The following GLIS3 variants were observed in gnomAD, a reference collection of about 807,000 sequenced individuals.
GLIS3 encodes the protein GLIS family zinc finger 3.
GLIS3 carries 53 observed loss-of-function variants against 78.6 expected under a neutral mutation model. That is an observed-to-expected ratio of 0.67 (90% CI 0.54 to 0.85). The LOEUF is 0.85. GLIS3 is among the 40% of genes least tolerant of loss of function. The pLI, the probability that GLIS3 is intolerant of heterozygous loss-of-function variation, is 0.00. For missense variants in GLIS3, 1,703 were observed against 1,231.1 expected (o/e 1.38, Z -5.74); for synonymous variants, 684 against 509.9 (o/e 1.34, Z -4.60).
At chr9:4,256,983 G>T (rs979223016) in intron 2 of GLIS3, among the ~76,000 whole-genome samples, 1 of 151,710 alleles carries the variant, frequency 6.6e-6, no homozygotes, top group African/African-American at 2.4e-5. Context: ...AAGAAGTTGT[G>T]GTATACATAC....
the GLIS3 span, among the ~76,000 whole-genome samples, chr9:4,371,162 G>T: frequency 6.1e-4 from 93 of 152,282 alleles, no homozygotes; most frequent in Non-Finnish European, 1.2e-3. Flanking sequence ...GGTCAGGCCT[G>T]GTTACTAGGC....
intron 7 of GLIS3, among the ~76,000 whole-genome samples, chr9:3,886,331 G>A (rs1297434532): frequency 6.6e-6 from 1 of 151,942 alleles, no homozygotes; most frequent in African/African-American, 2.4e-5. Flanking sequence ...AATCCTCAAG[G>A]GTTAAAATGT....
chr9:4,138,062 C>A (rs1055134868), intron 2 of GLIS3, among the ~76,000 whole-genome samples: 44 of 152,324 alleles, frequency 2.9e-4, no homozygotes, highest in African/African-American at 1.1e-3. Context: ...ACTATATACT[C>A]TAGGGATTGT....
intron 2 of GLIS3, among the ~76,000 whole-genome samples, chr9:4,178,163 T>C (rs1816970022): frequency 6.6e-6 from 1 of 152,242 alleles, no homozygotes. Context: ...CTCTGGTCAG[T>C]TGCATAATGC....
chr9:4,388,988 T>C, the GLIS3 span, among the ~76,000 whole-genome samples: 4 of 152,104 alleles, frequency 2.6e-5, no homozygotes, highest in Non-Finnish European at 5.9e-5. Context: ...TACCAACAAT[T>C]GCTGATTTTA....
At chr9:4,408,621 G>A in the GLIS3 span, among the ~76,000 whole-genome samples, 1 of 146,286 alleles carries the variant, frequency 6.8e-6, no homozygotes, top group Non-Finnish European at 1.5e-5. Context: ...CAGGTACTCG[G>A]GAGGCTGAGG....
intron 4 of GLIS3, among the ~76,000 whole-genome samples, chr9:4,033,439 G>A (rs974203474): frequency 2.6e-5 from 4 of 152,088 alleles, no homozygotes; most frequent in Non-Finnish European, 4.4e-5. Context: ...TCCACAGCAA[G>A]GTCTAGAAGG....
At chr9:4,257,837 T>C (rs1825126940) in intron 2 of GLIS3, among the ~76,000 whole-genome samples, 1 of 152,162 alleles carries the variant, frequency 6.6e-6, no homozygotes, top group Non-Finnish European at 1.5e-5. Flanking sequence ...CCTCCCAAAG[T>C]GCTGGGATTA....
intron 2 of GLIS3, among the ~76,000 whole-genome samples, chr9:4,236,204 A>AAAAG (rs1554630098): frequency 0.095 from 8,170 of 85,832 alleles, 999 homozygotes; most frequent in African/African-American, 0.21. Context: ...AAAAAAAAAA[A>AAAAG]AAAGAAAGAA....
In GLIS3 at chr9:4,002,035, C is replaced by T. The variant is rs545621996; in HGVS notation, c.1711-64846G>A. Reference sequence around the variant, plus strand: ...ATGTTGCATTACATGGTAAAAAGTACGTGGCAGCTGTGATTAAATTAAGGA... The same window carrying T: ...ATGTTGCATTACATGGTAAAAAGTATGTGGCAGCTGTGATTAAATTAAGGA... On this transcript the variant is annotated intron_variant, in intron 4 of 10. Transcript: ENST00000381971. Among the ~76,000 whole-genome samples, 23 of 152,256 alleles carry T rather than the reference C, an allele frequency of 1.5e-4. 1 individual carries two copies. The South Asian group carries it at 3.9e-3, about 26-fold the overall frequency.
chr9:4,019,895 G>A (rs1428210736), intron 4 of GLIS3, among the ~76,000 whole-genome samples: 1 of 151,986 alleles, frequency 6.6e-6, no homozygotes, highest in Non-Finnish European at 1.5e-5. Flanking sequence ...ACAGGTGCAT[G>A]CCACTTAAAA....
chr9:4,040,299 AAAC>A (rs1197031928), intron 4 of GLIS3, among the ~76,000 whole-genome samples: 97 of 152,216 alleles, frequency 6.4e-4, no homozygotes, highest in African/African-American at 1.9e-3. Context: ...AAAAAACAAA[AAAC>A]AAAAAACCTG....
At chr9:4,161,692 T>TTTA (rs1268777060) in intron 2 of GLIS3, among the ~76,000 whole-genome samples, 2 of 150,180 alleles carry the variant, frequency 1.3e-5, no homozygotes, top group African/African-American at 4.9e-5. Context: ...TTTTTTTTTT[T>TTTA]TTTGAGACAG....
chr9:4,230,290 A>G (rs973144749), intron 2 of GLIS3, among the ~76,000 whole-genome samples: 6 of 152,226 alleles, frequency 3.9e-5, no homozygotes, highest in Non-Finnish European at 8.8e-5. Context: ...GCGAAGGTCA[A>G]TGAAATACCG....
At chr9:4,375,558 A>G in the GLIS3 span, among the ~76,000 whole-genome samples, 2 of 152,184 alleles carry the variant, frequency 1.3e-5, no homozygotes, top group African/African-American at 4.8e-5. Flanking sequence ...CTTGTGGCTA[A>G]CAAAAGATAA....
intron 4 of GLIS3, among the ~76,000 whole-genome samples, chr9:4,061,969 T>A (rs1032972591): frequency 6.6e-6 from 1 of 152,136 alleles, no homozygotes; most frequent in Non-Finnish European, 1.5e-5. Context: ...GCATAAAAAA[T>A]GGGGAAGGTG....
At chr9:4,046,546 G>A (rs1426066554) in intron 4 of GLIS3, among the ~76,000 whole-genome samples, 1 of 152,152 alleles carries the variant, frequency 6.6e-6, no homozygotes, top group Non-Finnish European at 1.5e-5. Context: ...CAAAGGTGGG[G>A]CCAGCAATCA....
At chr9:4,140,005 G>C (rs1371508833) in intron 2 of GLIS3, among the ~76,000 whole-genome samples, 2 of 152,162 alleles carry the variant, frequency 1.3e-5, no homozygotes, top group African/African-American at 4.8e-5. Flanking sequence ...AGCTGGTTCA[G>C]AGGCAAAATC....
intron 9 of GLIS3, among the ~76,000 whole-genome samples, chr9:3,849,014 C>G (rs1563773090): frequency 6.6e-6 from 1 of 152,210 alleles, no homozygotes; most frequent in Non-Finnish European, 1.5e-5. Flanking sequence ...CCCACTGCTG[C>G]TGCACTGATT....
Sources: gnomAD v4.1 joint callset for allele counts (sites outside exome capture counted in the v4.1 genomes callset) on GRCh38, gnomAD v4.1.1 for gene constraint, MANE v1.5 for transcripts, NCBI Gene and HGNC (gene_info 2026-07-23, HGNC 2026-07-21) for gene names.